Variants in ZNF124 observed in about 807,000 individuals in gnomAD.
The protein encoded by ZNF124 is zinc finger protein 124, also known as zinc finger protein HZF-16.
In ZNF124, 25 loss-of-function variants were observed where a neutral mutation model predicts 26.6. The ratio of observed to expected loss-of-function variants is 0.94; its 90% CI spans 0.68 to 1.31. The LOEUF is 1.31. Ranked by LOEUF, ZNF124 falls within the 40% of genes most tolerant of loss-of-function variation. The pLI is 0.00. For missense variants in ZNF124, 444 were observed against 422.2 expected, an observed-to-expected ratio of 1.05 and a Z score of -0.45; for synonymous variants, 129 against 133.3, an observed-to-expected ratio of 0.97 and a Z score of 0.22.
At chr1:247,138,031 G>A (rs1672528614) in intron 3 of ZNF124, 1 of 152,218 alleles carries the variant, frequency 6.6e-6, no homozygotes. Flanking sequence ...TTCAACCATT[G>A]TGGAAGACAG....
At chr1:247,147,320 G>A (rs1225123244) in intron 3 of ZNF124, among the ~76,000 whole-genome samples, 2 of 150,766 alleles carry the variant, frequency 1.3e-5, no homozygotes, top group African/African-American at 2.4e-5. Flanking sequence ...TCCGCTTCCT[G>A]GGTTCAAGCC....
chr1:247,124,394 C>T (rs944734183), intron 3 of ZNF124, among the ~76,000 whole-genome samples: 2 of 149,600 alleles, frequency 1.3e-5, no homozygotes, highest in East Asian at 4.1e-4. Flanking sequence ...GTAGAGACAG[C>T]GTTTCACCAT....
chr1:247,161,150 GTGA>G (rs1673456387), intron 1 of ZNF124, among the ~76,000 whole-genome samples: 1 of 152,204 alleles, frequency 6.6e-6, no homozygotes, highest in Non-Finnish European at 1.5e-5. Flanking sequence ...GAATAACAGT[GTGA>G]TGGTTTGCCT....
intron 3 of ZNF124, among the ~76,000 whole-genome samples, chr1:247,124,483 G>A (rs1003907905): frequency 6.6e-6 from 1 of 151,564 alleles, no homozygotes; most frequent in Non-Finnish European, 1.5e-5. Context: ...TTACAGGCGT[G>A]AGCCACCACG....
At chr1:247,170,879 G>T (rs1416679385) in intron 1 of ZNF124, among the ~76,000 whole-genome samples, 1 of 118,476 alleles carries the variant, frequency 8.4e-6, no homozygotes, top group Non-Finnish European at 1.6e-5. Context: ...GGCCCAGGAC[G>T]CGGCGCCGGG....
At chr1:247,130,608 T>C (rs1367019807) in intron 3 of ZNF124, among the ~76,000 whole-genome samples, 3 of 152,230 alleles carry the variant, frequency 2.0e-5, no homozygotes, top group Non-Finnish European at 4.4e-5. Context: ...TATGAAATAA[T>C]ATGTTATCAT....
chr1:247,162,616 G>A (rs1361694005), intron 1 of ZNF124, among the ~76,000 whole-genome samples: 2 of 124,298 alleles, frequency 1.6e-5, no homozygotes, highest in African/African-American at 7.1e-5. Context: ...ATTAACCCTT[G>A]GCAAAAAAAA....
chr1:247,172,194 G>C (rs1033293071), upstream of ZNF124: 1 of 144,084 alleles, frequency 6.9e-6, no homozygotes, highest in African/African-American at 2.6e-5. Context: ...TCTTCTCCAA[G>C]AGGGTTTCCT....
At chr1:247,128,636 T>C (rs1371856809) in intron 3 of ZNF124, among the ~76,000 whole-genome samples, 1 of 151,470 alleles carries the variant, frequency 6.6e-6, no homozygotes, top group Non-Finnish European at 1.5e-5. Flanking sequence ...TTTTTTCTCT[T>C]ACCCCCGTTA....
At chr1:247,138,584 T>G in intron 3 of ZNF124, 1 of 391,184 alleles carries the variant, frequency 2.6e-6, no homozygotes, top group Non-Finnish European at 4.5e-6. Flanking sequence ...CCGTTTTCGT[T>G]TGTTTTAGAA....
intron 3 of ZNF124, among the ~76,000 whole-genome samples, chr1:247,135,067 G>T (rs1672451336): frequency 6.6e-6 from 1 of 152,138 alleles, no homozygotes; most frequent in South Asian, 2.1e-4. Context: ...AAGAGACAAT[G>T]TACCAGAATC....
Position 247,159,055 on chromosome 1 carries a change from C to A in ZNF124, c.169G>T (p.Glu57Ter). The A allele has an allele frequency of 6.2e-7, 1 of 1,611,472 alleles. No individual in the cohort carries two copies. The highest frequency in any genetic ancestry group is 8.5e-7 in the Non-Finnish European group (1 of 1,179,336). ...TACTGATCTTCAATGCTCTGGTCTT[C>A]CCCTTTGTTTCCTAAAATGTAGACC... Reference protein sequence around the residue: ...RNLASIGNKGEDQSIEDQYKN... With the variant: ...RNLASIGNKG The change falls in exon 3 of 4, where the codon GAA becomes TAA. Residue 57 changes from glutamate (E) to a stop codon, truncating the protein, a stop_gained. Transcript: ENST00000543802. LOFTEE classifies it high-confidence loss of function.
At chr1:247,151,965 A>C (rs1230308058), downstream of ZNF124, among the ~76,000 whole-genome samples, 1 of 152,066 alleles carries the variant, frequency 6.6e-6, no homozygotes, top group Middle Eastern at 3.2e-3. Flanking sequence ...TTAGAGATCA[A>C]TATAGTGTCC....
chr1:247,128,209 C>T (rs1047498136), intron 3 of ZNF124, among the ~76,000 whole-genome samples: 4 of 151,912 alleles, frequency 2.6e-5, no homozygotes, highest in African/African-American at 9.7e-5. Context: ...TCTGAACATT[C>T]CTTGTGAAAA....
chr1:247,133,274 A>G (rs1344657311), intron 3 of ZNF124, among the ~76,000 whole-genome samples: 1 of 152,234 alleles, frequency 6.6e-6, no homozygotes, highest in East Asian at 1.9e-4. Flanking sequence ...AAAGCCTCCA[A>G]GGAATAAGGG....
intron 3 of ZNF124, among the ~76,000 whole-genome samples, chr1:247,141,673 G>T (rs1672632624): frequency 1.3e-5 from 2 of 152,140 alleles, no homozygotes; most frequent in Admixed American, 1.3e-4. Flanking sequence ...TCAGCCATGG[G>T]AGAGGTGACT....
chr1:247,153,704 C>T (rs1673011715), downstream of ZNF124, among the ~76,000 whole-genome samples: 1 of 152,062 alleles, frequency 6.6e-6, no homozygotes, highest in Admixed American at 6.6e-5. Flanking sequence ...TGGAGAAAAC[C>T]ACCTAAGCCT....
intron 3 of ZNF124, among the ~76,000 whole-genome samples, chr1:247,125,703 C>A (rs2103097235): frequency 8.7e-6 from 1 of 114,414 alleles, no homozygotes; most frequent in East Asian, 2.1e-4. Context: ...CGCCACCGCA[C>A]CCAGCCATCT....
chr1:247,132,942 C>T (rs1672404415), intron 3 of ZNF124, among the ~76,000 whole-genome samples: 1 of 152,086 alleles, frequency 6.6e-6, no homozygotes, highest in Non-Finnish European at 1.5e-5. Context: ...GCTGAAGTTC[C>T]CAGCTGAATA....
Sources: allele counts gnomAD v4.1 joint callset (sites outside exome capture counted in the v4.1 genomes callset), GRCh38; gene constraint gnomAD v4.1.1; transcripts MANE v1.5; gene names NCBI Gene and HGNC (gene_info 2026-07-23, HGNC 2026-07-21).